The following PLEKHG1 variants were observed in gnomAD, a reference collection of about 807,000 sequenced individuals.
PLEKHG1 encodes pleckstrin homology domain-containing family G member 1.
A neutral mutation model predicts 100.8 loss-of-function variants in PLEKHG1; 44 were observed. The ratio of observed to expected loss-of-function variants is 0.44; its 90% CI spans 0.34 to 0.56. The LOEUF (loss-of-function observed/expected upper bound fraction) is 0.56. Among genes scored for constraint, PLEKHG1 ranks in the 20% least tolerant of loss-of-function variants. The pLI, the probability that PLEKHG1 is intolerant of heterozygous loss-of-function variation, is 0.01. For missense variants in PLEKHG1, 1,545 were observed against 1,720.9 expected (o/e 0.90, Z 1.81); for synonymous variants, 640 against 662.5 (o/e 0.97, Z 0.52).
chr6:150,806,223 C>CTT (rs58040509), intron 7 of PLEKHG1, among the ~76,000 whole-genome samples: 16,965 of 89,494 alleles, frequency 0.19, 2,527 homozygotes, highest in East Asian at 0.33. Flanking sequence ...TTCCAGGCTG[C>CTT]TTTTTTTTTT....
chr6:150,789,894 G>A (rs750387607), intron 4 of PLEKHG1, among the ~76,000 whole-genome samples: 1 of 152,160 alleles, frequency 6.6e-6, no homozygotes, highest in Non-Finnish European at 1.5e-5. Context: ...TGCACAAAGG[G>A]GCCCAGGTGG....
intron 3 of PLEKHG1, among the ~76,000 whole-genome samples, chr6:150,776,561 A>G (rs1247051614): frequency 1.5e-5 from 2 of 135,534 alleles, no homozygotes; most frequent in Non-Finnish European, 1.5e-5. Context: ...CACTGATGCA[A>G]TCCTGGTGCA....
chr6:150,718,335 G>C (rs550757796), upstream of PLEKHG1, among the ~76,000 whole-genome samples: 6 of 152,280 alleles, frequency 3.9e-5, no homozygotes, highest in Admixed American at 2.0e-4. Flanking sequence ...GCACTGGAAC[G>C]CAGAACCACT....
intron 3 of PLEKHG1, among the ~76,000 whole-genome samples, chr6:150,666,943 G>A (rs2128583109): frequency 6.6e-6 from 1 of 152,072 alleles, no homozygotes; most frequent in Middle Eastern, 3.4e-3. Flanking sequence ...TTATATTTTA[G>A]TATATGGAGT....
chr6:150,702,557 G>GGTGGGTGT (rs1554261635), intron 3 of PLEKHG1, among the ~76,000 whole-genome samples: 10 of 142,918 alleles, frequency 7.0e-5, no homozygotes, highest in South Asian at 2.2e-4. Context: ...TTTGTTTTGG[G>GGTGGGTGT]GTGTGTGTGT....
intron 15 of PLEKHG1, among the ~76,000 whole-genome samples, chr6:150,833,787 G>T (rs1583220500): frequency 1.3e-5 from 2 of 152,154 alleles, no homozygotes; most frequent in African/African-American, 4.8e-5. Context: ...TCAAATGAGA[G>T]GAGTCTATTC....
chr6:150,723,937 G>A (rs951016381), intron 1 of PLEKHG1, among the ~76,000 whole-genome samples: 8 of 152,228 alleles, frequency 5.3e-5, no homozygotes, highest in African/African-American at 1.9e-4. Flanking sequence ...CATGTCCAAT[G>A]TCTTGGCTGG....
chr6:150,725,198 G>A (rs1781899179), intron 1 of PLEKHG1, among the ~76,000 whole-genome samples: 1 of 152,104 alleles, frequency 6.6e-6, no homozygotes, highest in African/African-American at 2.4e-5. Flanking sequence ...CATGGCAGAA[G>A]GAGCAAACAA....
intron 3 of PLEKHG1, among the ~76,000 whole-genome samples, chr6:150,670,644 G>A (rs1779551930): frequency 6.6e-6 from 1 of 152,186 alleles, no homozygotes; most frequent in African/African-American, 2.4e-5. Context: ...TGGGAAGAGT[G>A]GGGAAACCCT....
chr6:150,787,290 C>T (rs932817344), intron 4 of PLEKHG1, among the ~76,000 whole-genome samples: 1 of 152,126 alleles, frequency 6.6e-6, no homozygotes, highest in African/African-American at 2.4e-5. Context: ...TCGAAAAATA[C>T]AAGGAAAGGA....
chr6:150,753,552 C>T (rs1400413070), intron 2 of PLEKHG1, among the ~76,000 whole-genome samples: 1 of 152,136 alleles, frequency 6.6e-6, no homozygotes, highest in Admixed American at 6.5e-5. Flanking sequence ...AAGACTGCTG[C>T]TTTTGTCTGA....
intron 13 of PLEKHG1, among the ~76,000 whole-genome samples, chr6:150,822,177 A>AAAAAAAAC (rs1278144184): frequency 2.4e-5 from 3 of 124,320 alleles, no homozygotes; most frequent in African/African-American, 2.8e-5. Flanking sequence ...AAAAAAAAAA[A>AAAAAAAAC]AGAATAGGGC....
exon 16 of PLEKHG1, chr6:150,842,518 T>G (rs192415099): frequency 6.6e-6 from 1 of 152,226 alleles, no homozygotes. Flanking sequence ...ATTTTATTTT[T>G]AAATAACAAA....
At chr6:150,695,476 A>G (rs1780506435) in intron 3 of PLEKHG1, among the ~76,000 whole-genome samples, 1 of 152,224 alleles carries the variant, frequency 6.6e-6, no homozygotes, top group African/African-American at 2.4e-5. Context: ...TATAGAGAAA[A>G]GAGCTGATTC....
chr6:150,701,417 TTATATATATATATATA>T (rs56982419), intron 3 of PLEKHG1, among the ~76,000 whole-genome samples: 668 of 31,156 alleles, frequency 0.021, 12 homozygotes, highest in Admixed American at 0.047. Flanking sequence ...CAGTAATTCT[TTATATATATATATATA>T]TATATATATA....
At chr6:150,822,870 C>T (rs762616884) in intron 13 of PLEKHG1, among the ~76,000 whole-genome samples, 2 of 152,164 alleles carry the variant, frequency 1.3e-5, no homozygotes, top group South Asian at 2.1e-4. Context: ...ATCCCAGCTA[C>T]TGGGGAGGCT....
rs543521071 is a variant in PLEKHG1, at chr6:150,624,089, T to C, written c.-203-13991T>C. ...TCATCTATGTTAGGCACAATCCTCATGTAAGATCCTGCAGTGACTACATGG... is the reference window on the plus strand; with the variant it reads ...TCATCTATGTTAGGCACAATCCTCACGTAAGATCCTGCAGTGACTACATGG... On this transcript the variant is annotated intron_variant, in intron 1 of 3. Coordinates refer to the PLEKHG1 transcript ENST00000367326. Among the ~76,000 whole-genome samples, 13 of 152,352 alleles carry C rather than the reference T, an allele frequency of 8.5e-5. No individual in the cohort carries two copies. The South Asian group carries it at 2.7e-3, about 32-fold the overall frequency.
At chr6:150,612,822 G>A (rs1325678588) in intron 1 of PLEKHG1, among the ~76,000 whole-genome samples, 1 of 152,120 alleles carries the variant, frequency 6.6e-6, no homozygotes, top group Non-Finnish European at 1.5e-5. Flanking sequence ...AACTTCTCAT[G>A]GTCCTTGATC....
At chr6:150,800,461 G>A (rs530402782) in intron 5 of PLEKHG1, among the ~76,000 whole-genome samples, 10 of 152,290 alleles carry the variant, frequency 6.6e-5, no homozygotes, top group African/African-American at 1.4e-4. Context: ...GCACAAGGCC[G>A]CGTCTCCTAG....
Sources: gnomAD v4.1 joint callset for allele counts (sites outside exome capture counted in the v4.1 genomes callset) on GRCh38, gnomAD v4.1.1 for gene constraint, MANE v1.5 for transcripts, NCBI Gene and HGNC (gene_info 2026-07-23, HGNC 2026-07-21) for gene names.